The following OTUD7A variants were observed in gnomAD, a reference collection of about 807,000 sequenced individuals.
OTUD7A encodes OTU deubiquitinase 7A.
OTUD7A carries 12 observed loss-of-function variants against 65.7 expected under a neutral mutation model. The ratio of observed to expected loss-of-function variants is 0.18; its 90% CI spans 0.12 to 0.30. The LOEUF is 0.30. Among genes scored for constraint, OTUD7A ranks in the 10% least tolerant of loss-of-function variants. The pLI is 1.00. For synonymous variants in OTUD7A, 641 were observed against 586.3 expected (o/e 1.09, Z -1.35); for missense variants, 1,148 against 1,304.8 (o/e 0.88, Z 1.85).
intron 8 of OTUD7A, among the ~76,000 whole-genome samples, chr15:31,511,964 C>CT (rs1305748730): frequency 3.9e-5 from 6 of 151,968 alleles, no homozygotes; most frequent in Admixed American, 1.3e-4. Flanking sequence ...TTTTTTTTAC[C>CT]TTTTTTTAAC....
chr15:31,692,974 T>A (rs989768794), intron 1 of OTUD7A, among the ~76,000 whole-genome samples: 1 of 151,652 alleles, frequency 6.6e-6, no homozygotes, highest in Non-Finnish European at 1.5e-5. Flanking sequence ...TGGATGGCTT[T>A]ATCTCTTAGT....
At chr15:31,728,833 C>T (rs1893964724) in intron 1 of OTUD7A, among the ~76,000 whole-genome samples, 1 of 152,168 alleles carries the variant, frequency 6.6e-6, no homozygotes, top group African/African-American at 2.4e-5. Context: ...CTGTGACGTC[C>T]AGGTAGGGAT....
intron 1 of OTUD7A, among the ~76,000 whole-genome samples, chr15:31,843,906 C>T (rs1220858464): frequency 6.6e-6 from 1 of 152,130 alleles, no homozygotes; most frequent in Non-Finnish European, 1.5e-5. Flanking sequence ...GTGAGGTTCA[C>T]AGTTTACACG....
Position 31,738,428 on chromosome 15 carries a change from A to G in OTUD7A, c.-99-81351T>C, listed in dbSNP as rs189848662. Among the ~76,000 whole-genome samples, 312 of 152,308 alleles carry G rather than the reference A, an allele frequency of 2.0e-3. 1 individual carries two copies. Among genetic ancestry groups the G allele is most frequent in the African/African-American group, 7.1e-3 (297 of 41,564 alleles). ...AGAAGGAACTCCAGCCACCACCATC[A>G]GCGCTGAATCTACAAAAGAGGTCCA... On this transcript the variant is annotated intron_variant, in intron 1 of 12. Coordinates refer to ENST00000307050, the MANE Select transcript of OTUD7A (RefSeq NM_001382637.1).
At chr15:31,840,004 C>G (rs1402673487) in intron 1 of OTUD7A, among the ~76,000 whole-genome samples, 1 of 151,944 alleles carries the variant, frequency 6.6e-6, no homozygotes, top group Non-Finnish European at 1.5e-5. Flanking sequence ...CTTGACCAGA[C>G]TCTAACTACA....
At position 31,483,702 on chromosome 15, in the gene OTUD7A, C is replaced by G; in HGVS notation, c.2394G>C (p.Leu798=). The G allele has an allele frequency of 8.7e-7, 1 of 1,151,966 alleles. No homozygotes were observed. The allele number at this position is 1,151,966 out of a possible 1,614,324, so 71.4% of individuals were successfully genotyped here. A position where few individuals can be genotyped will look rare whatever the true frequency, so the allele number is the denominator to read the frequency against. Residue 798 remains leucine, a synonymous_variant, in exon 13 of 13, where the codon CTG becomes CTC. Transcript: ENST00000307050. The part of the protein sequence containing the change: ...DEACAPAVGA[L]RPCATYPQQN... ...GCTGCGGGTACGTGGCGCACGGCCG[C>G]AGCGCCCCCACGGCCGGCGCGCACG...
rs1301909444 is a variant in OTUD7A, at chr15:31,483,962, C to CCGG, written c.2131_2133dup (p.Pro711dup). The CCGG allele has an allele frequency of 1.8e-6, 2 of 1,132,922 alleles. No individual in the cohort carries two copies. The highest frequency in any genetic ancestry group is 2.2e-6 in the Non-Finnish European group (2 of 917,582). 70.2% of individuals were successfully genotyped at this position (1,132,922 alleles called of 1,614,324 possible). ...GGGCCCGGAGAGGCGCGCTCCGGGACCGGCACGCCCTCCGTCTCCGGTCTG... is the reference window on the plus strand; with the variant it reads ...GGGCCCGGAGAGGCGCGCTCCGGGACCGGCGGCACGCCCTCCGTCTCCGGTCTG... On this transcript the variant is annotated inframe_insertion, in exon 13 of 13. Transcript: ENST00000307050.
At chr15:31,813,771 A>G (rs1896480564) in intron 1 of OTUD7A, among the ~76,000 whole-genome samples, 1 of 152,250 alleles carries the variant, frequency 6.6e-6, no homozygotes, top group Non-Finnish European at 1.5e-5. Context: ...CATTTCACAA[A>G]GCTTTCTAGT....
intron 4 of OTUD7A, among the ~76,000 whole-genome samples, chr15:31,563,271 G>T (rs1888753465): frequency 6.6e-6 from 1 of 152,188 alleles, no homozygotes; most frequent in African/African-American, 2.4e-5. Context: ...GATTGCTGCT[G>T]CCTGAAAGAT....
chr15:31,550,153 G>A lies in OTUD7A; in HGVS notation c.550+8816C>T, dbSNP rs539290662. On this transcript the variant is annotated intron_variant, in intron 5 of 12. Transcript: ENST00000307050. Reference sequence around the variant, plus strand: ...TGGGAATGCAGTATCCTGAGATCACGGGAAACTAGCTGGACCAGTCTGGAC... The same window carrying A: ...TGGGAATGCAGTATCCTGAGATCACAGGAAACTAGCTGGACCAGTCTGGAC... Among the ~76,000 whole-genome samples the A allele has an allele frequency of 3.7e-4, 55 of 150,676 alleles. 1 individual carries two copies. Among genetic ancestry groups the A allele is most frequent in the African/African-American group, 1.2e-3 (51 of 40,910 alleles).
chr15:31,485,194 T>G (rs1278914043), intron 12 of OTUD7A, among the ~76,000 whole-genome samples: 1 of 152,156 alleles, frequency 6.6e-6, no homozygotes, highest in African/African-American at 2.4e-5. Flanking sequence ...CTGGCCTCTG[T>G]AAGGATGGAG....
At chr15:31,722,076 GCA>G (rs769354975) in intron 1 of OTUD7A, among the ~76,000 whole-genome samples, 1 of 152,242 alleles carries the variant, frequency 6.6e-6, no homozygotes, top group Non-Finnish European at 1.5e-5. Context: ...AGGCACAGTG[GCA>G]CACAGTCTGT....
At chr15:31,589,196 G>A (rs1018178663) in intron 3 of OTUD7A, among the ~76,000 whole-genome samples, 2 of 152,112 alleles carry the variant, frequency 1.3e-5, no homozygotes, top group East Asian at 1.9e-4. Flanking sequence ...GTGTGTATAT[G>A]GATATGTGTA....
chr15:31,809,115 A>G (rs1896356195), intron 1 of OTUD7A, among the ~76,000 whole-genome samples: 1 of 152,182 alleles, frequency 6.6e-6, no homozygotes. Context: ...CAACACCTCC[A>G]TTCTGACTAG....
chr15:31,680,150 G>GA (rs1892679643), intron 1 of OTUD7A, among the ~76,000 whole-genome samples: 1 of 152,210 alleles, frequency 6.6e-6, no homozygotes, highest in Non-Finnish European at 1.5e-5. Flanking sequence ...CTGGTGAAGT[G>GA]AAATTGGTAG....
chr15:31,732,570 T>C (rs1894076891), intron 1 of OTUD7A, among the ~76,000 whole-genome samples: 1 of 152,262 alleles, frequency 6.6e-6, no homozygotes, highest in Admixed American at 6.5e-5. Context: ...TGGAGAAGTC[T>C]ACTCTAGTCA....
At chr15:31,536,550 T>C (rs1887809534) in intron 5 of OTUD7A, among the ~76,000 whole-genome samples, 2 of 152,224 alleles carry the variant, frequency 1.3e-5, no homozygotes, top group South Asian at 4.1e-4. Context: ...GAGAGAAATA[T>C]TAATAGGATT....
intron 3 of OTUD7A, among the ~76,000 whole-genome samples, chr15:31,632,059 T>C (rs1891180035): frequency 1.3e-5 from 2 of 152,172 alleles, no homozygotes; most frequent in East Asian, 1.9e-4. Flanking sequence ...TCAGAGTAGT[T>C]TGATCGTCTG....
chr15:31,615,719 G>C (rs1890565438), intron 3 of OTUD7A, among the ~76,000 whole-genome samples: 1 of 152,194 alleles, frequency 6.6e-6, no homozygotes, highest in South Asian at 2.1e-4. Flanking sequence ...AATTTCAAAA[G>C]GCTGAAATCA....
Sources: gnomAD v4.1 joint callset for allele counts (sites outside exome capture counted in the v4.1 genomes callset) on GRCh38, gnomAD v4.1.1 for gene constraint, MANE v1.5 for transcripts, NCBI Gene and HGNC (gene_info 2026-07-23, HGNC 2026-07-21) for gene names.